Variants in SYT1 observed in about 807,000 individuals in gnomAD.
SYT1 encodes synaptotagmin 1, also known as synaptotagmin-1.
Under a neutral mutation model 44.8 loss-of-function variants are expected in SYT1, and 8 were observed. The observed-to-expected ratio is 0.18, with a 90% confidence interval of 0.10 to 0.32. SYT1 has a LOEUF of 0.32. Ranked by LOEUF, SYT1 falls within the 10% of genes least tolerant of loss-of-function variation. SYT1 has a pLI of 1.00. For missense variants in SYT1, 286 were observed against 509.3 expected (o/e 0.56, Z 4.22); for synonymous variants, 154 against 188.8 (o/e 0.82, Z 1.51).
intron 8 of SYT1, among the ~76,000 whole-genome samples, chr12:79,345,817 GA>G (rs1422728636): frequency 6.6e-6 from 1 of 152,106 alleles, no homozygotes; most frequent in Non-Finnish European, 1.5e-5. Flanking sequence ...TATAAGTGAA[GA>G]CTGTTTTAGT....
At chr12:79,108,256 T>G (rs1878823684) in intron 3 of SYT1, among the ~76,000 whole-genome samples, 1 of 151,990 alleles carries the variant, frequency 6.6e-6, no homozygotes, top group Non-Finnish European at 1.5e-5. Context: ...TTCTTCTGAC[T>G]GTATTTTTTT....
chr12:79,095,768 C>T (rs933349992), intron 3 of SYT1, among the ~76,000 whole-genome samples: 1 of 151,874 alleles, frequency 6.6e-6, no homozygotes, highest in Admixed American at 6.6e-5. Context: ...GTTCTCCTGC[C>T]TGGGCTCACC....
rs111336867 is a variant in SYT1, at chr12:79,045,285, T to G, written c.-83-2012T>G. Among the ~76,000 whole-genome samples the G allele has an allele frequency of 2.4e-3, 370 of 152,276 alleles. 2 individuals carry two copies. The highest frequency in any genetic ancestry group is 0.01 in the Middle Eastern group (3 of 294). On this transcript the variant is annotated intron_variant, in intron 2 of 10. Transcript: ENST00000261205. ...AGCAATCAGCGAGACTACGTGGGCG[T>G]AGGACCCGCCGAGCCAGGTGCGGGA...
intron 9 of SYT1, among the ~76,000 whole-genome samples, chr12:79,394,492 C>T (rs2136101919): frequency 6.6e-6 from 1 of 152,280 alleles, no homozygotes; most frequent in Admixed American, 6.5e-5. Flanking sequence ...CAGGATGATT[C>T]AGTATACAAA....
chr12:78,965,636 G>A (rs1879727853), intron 1 of SYT1, among the ~76,000 whole-genome samples: 2 of 152,118 alleles, frequency 1.3e-5, no homozygotes, highest in East Asian at 1.9e-4. Context: ...GAGGCTTAAT[G>A]GGGCTCAGCC....
intron 2 of SYT1, among the ~76,000 whole-genome samples, chr12:79,001,620 T>C (rs186691139): frequency 6.6e-6 from 1 of 152,266 alleles, no homozygotes; most frequent in African/African-American, 2.4e-5. Flanking sequence ...ACTAATTGCT[T>C]TGTGAAGTGC....
chr12:79,392,055 G>T (rs1041954090), intron 9 of SYT1, among the ~76,000 whole-genome samples: 12 of 152,150 alleles, frequency 7.9e-5, no homozygotes, highest in African/African-American at 2.9e-4. Flanking sequence ...TGAAGAATGC[G>T]TAGGTACCAC....
intron 2 of SYT1, among the ~76,000 whole-genome samples, chr12:78,986,483 C>G (rs781653984): frequency 6.6e-5 from 10 of 151,618 alleles, no homozygotes; most frequent in Non-Finnish European, 2.9e-5. Flanking sequence ...TTATCCTTGC[C>G]TTTTATTTAC....
chr12:79,027,188 T>TGGAAAGTGA (rs1384469878), intron 2 of SYT1, among the ~76,000 whole-genome samples: 1 of 151,568 alleles, frequency 6.6e-6, no homozygotes, highest in African/African-American at 2.4e-5. Flanking sequence ...GATCCTCAGC[T>TGGAAAGTGA]GAATGTCTTT....
chr12:79,010,430 C>G (rs953201691), intron 2 of SYT1, among the ~76,000 whole-genome samples: 1 of 152,116 alleles, frequency 6.6e-6, no homozygotes, highest in Non-Finnish European at 1.5e-5. Flanking sequence ...GTGTTCACAG[C>G]AGGGACCAAG....
intron 4 of SYT1, among the ~76,000 whole-genome samples, chr12:79,270,471 G>A (rs1336812516): frequency 6.6e-6 from 1 of 152,138 alleles, no homozygotes; most frequent in South Asian, 2.1e-4. Flanking sequence ...GAGGCTCTTG[G>A]CTGAAATATC....
At chr12:78,979,620 T>A (rs1869099401) in intron 2 of SYT1, among the ~76,000 whole-genome samples, 1 of 152,148 alleles carries the variant, frequency 6.6e-6, no homozygotes, top group Non-Finnish European at 1.5e-5. Flanking sequence ...AATTTTAATT[T>A]TTTTCTACAT....
intron 8 of SYT1, among the ~76,000 whole-genome samples, chr12:79,304,919 G>T (rs566667195): frequency 2.6e-5 from 4 of 152,028 alleles, no homozygotes; most frequent in Admixed American, 6.6e-5. Flanking sequence ...CCTTTAAACT[G>T]CTACAGAAGT....
chr12:78,881,341 C>T (rs1259801494), intron 1 of SYT1, among the ~76,000 whole-genome samples: 1 of 151,612 alleles, frequency 6.6e-6, no homozygotes, highest in Non-Finnish European at 1.5e-5. Flanking sequence ...TAGTTCAAAG[C>T]TTATGTAATA....
chr12:79,029,252 C>T (rs777404207), intron 2 of SYT1, among the ~76,000 whole-genome samples: 6 of 150,610 alleles, frequency 4.0e-5, no homozygotes, highest in African/African-American at 9.7e-5. Context: ...CTGAAAAGAG[C>T]CTGAGAAAAT....
intron 9 of SYT1, among the ~76,000 whole-genome samples, chr12:79,440,374 A>G (rs1870341589): frequency 1.3e-5 from 2 of 152,122 alleles, no homozygotes; most frequent in Non-Finnish European, 1.5e-5. Flanking sequence ...GGTTTCCATG[A>G]GTTCTTGTTT....
chr12:79,188,184 A>G lies in SYT1; in HGVS notation c.-17-29319A>G, dbSNP rs565135550. Among the ~76,000 whole-genome samples, 8 of 152,216 alleles carry G rather than the reference A, an allele frequency of 5.3e-5. No individual in the cohort carries two copies. The East Asian group carries it at 1.5e-3, about 29-fold the overall frequency. ...CCCTTTTTCATCCAGAGATTTTTAT[A>G]AGATCATATAGCATGTAATACAGTA... On this transcript the variant is annotated intron_variant, in intron 3 of 10. Coordinates refer to ENST00000261205, the MANE Select transcript of SYT1 (RefSeq NM_005639.3).
intron 1 of SYT1, among the ~76,000 whole-genome samples, chr12:78,975,526 CT>C (rs1362646889): frequency 1.3e-5 from 2 of 152,124 alleles, no homozygotes; most frequent in Non-Finnish European, 2.9e-5. Context: ...CTGGTGGGAG[CT>C]GGTAATATCC....
At chr12:79,126,648 A>G (rs993494500) in intron 3 of SYT1, among the ~76,000 whole-genome samples, 9 of 152,144 alleles carry the variant, frequency 5.9e-5, no homozygotes, top group Non-Finnish European at 1.3e-4. Flanking sequence ...GTGTCAAATA[A>G]CCCCATTTAA....
Sources: gnomAD v4.1 joint callset for allele counts (sites outside exome capture counted in the v4.1 genomes callset) on GRCh38, gnomAD v4.1.1 for gene constraint, MANE v1.5 for transcripts, NCBI Gene and HGNC (gene_info 2026-07-23, HGNC 2026-07-21) for gene names.